Variants in FRMPD2 observed in about 807,000 individuals in gnomAD.
The protein encoded by FRMPD2 is FERM and PDZ domain-containing protein 2.
A neutral mutation model predicts 140.1 loss-of-function variants in FRMPD2; 96 were observed. The observed-to-expected ratio is 0.69, with a 90% CI of 0.58 to 0.81. The LOEUF (loss-of-function observed/expected upper bound fraction) is 0.81. FRMPD2 is among the 40% of genes least tolerant of loss of function. FRMPD2 has a pLI of 0.00. For synonymous variants in FRMPD2, 449 were observed against 547.6 expected (o/e 0.82, Z 2.52); for missense variants, 1,240 against 1,447.4 (o/e 0.86, Z 2.32).
At chr10:48,195,188 C>G (rs1838923164) in intron 15 of FRMPD2, among the ~76,000 whole-genome samples, 1 of 152,220 alleles carries the variant, frequency 6.6e-6, no homozygotes, top group African/African-American at 2.4e-5. Context: ...TGTGGAAGGG[C>G]TGAGACCAAC....
intron 14 of FRMPD2, among the ~76,000 whole-genome samples, chr10:48,203,056 A>G (rs1839125665): frequency 6.6e-6 from 1 of 152,184 alleles, no homozygotes; most frequent in Non-Finnish European, 1.5e-5. Flanking sequence ...TCAGCCTCTG[A>G]AAGTGCTGGG....
intron 15 of FRMPD2, among the ~76,000 whole-genome samples, chr10:48,194,589 T>C (rs1838911376): frequency 6.6e-6 from 1 of 152,090 alleles, no homozygotes; most frequent in Non-Finnish European, 1.5e-5. Context: ...GAAGGAGCCA[T>C]CCCTTAGAGG....
chr10:48,270,598 C>T (rs1453321631), intron 1 of FRMPD2, among the ~76,000 whole-genome samples: 2 of 152,162 alleles, frequency 1.3e-5, no homozygotes, highest in African/African-American at 4.8e-5. Flanking sequence ...CCCTCCACAG[C>T]CATGTCTTAA....
chr10:48,179,967 G>T (rs1489554170), intron 21 of FRMPD2, among the ~76,000 whole-genome samples: 1 of 152,256 alleles, frequency 6.6e-6, no homozygotes. Context: ...AACACTGGGT[G>T]CTGTGACCAC....
At chr10:48,251,405 T>C (rs1277177073) in intron 2 of FRMPD2, among the ~76,000 whole-genome samples, 161 bp downstream of exon 2, 1 of 152,220 alleles carries the variant, frequency 6.6e-6, no homozygotes, top group Non-Finnish European at 1.5e-5. Context: ...ATTCTTCTAC[T>C]CATTCTAATA....
intron 25 of FRMPD2, among the ~76,000 whole-genome samples, chr10:48,171,602 C>T (rs1473609051): frequency 4.0e-5 from 6 of 151,688 alleles, no homozygotes; most frequent in African/African-American, 1.2e-4. Context: ...AAATTATTAA[C>T]GAGATATTTT....
At chr10:48,186,537 G>T (rs1468988672) in intron 17 of FRMPD2, among the ~76,000 whole-genome samples, 2 of 152,044 alleles carry the variant, frequency 1.3e-5, no homozygotes, top group African/African-American at 2.4e-5. Context: ...CGGGGTTTCC[G>T]CTTTTGTTTC....
intron 12 of FRMPD2, among the ~76,000 whole-genome samples, chr10:48,221,622 A>G (rs1482873879): frequency 6.6e-6 from 1 of 152,248 alleles, no homozygotes; most frequent in Non-Finnish European, 1.5e-5. Context: ...TTTTAAAAAT[A>G]AAGGTTGGCT....
chr10:48,228,004 A>G (rs551097782), intron 10 of FRMPD2, among the ~76,000 whole-genome samples: 1 of 152,304 alleles, frequency 6.6e-6, no homozygotes, highest in African/African-American at 2.4e-5. Flanking sequence ...AAAATTGTAA[A>G]TGTAACCTAA....
At chr10:48,227,312 A>C (rs1462834668) in intron 10 of FRMPD2, among the ~76,000 whole-genome samples, 2 of 152,012 alleles carry the variant, frequency 1.3e-5, no homozygotes, top group African/African-American at 4.8e-5. Flanking sequence ...ATCTTGTTTT[A>C]TGTCTCAAGA....
chr10:48,270,206 C>T (rs73298362), intron 1 of FRMPD2, among the ~76,000 whole-genome samples: 1,672 of 152,232 alleles, frequency 0.011, 37 homozygotes, highest in African/African-American at 0.036. Context: ...TGCTAGTGGA[C>T]GTGGTCTCGA....
chr10:48,270,194 G>A (rs1564445532), intron 1 of FRMPD2, among the ~76,000 whole-genome samples: 1 of 152,170 alleles, frequency 6.6e-6, no homozygotes, highest in Non-Finnish European at 1.5e-5. Flanking sequence ...AATCCAAGGA[G>A]CTGCTAGTGG....
chr10:48,204,337 T>C (rs1839155849), intron 14 of FRMPD2, among the ~76,000 whole-genome samples: 2 of 152,220 alleles, frequency 1.3e-5, no homozygotes, highest in Admixed American at 1.3e-4. Flanking sequence ...ATTTGTCAGG[T>C]TTCCTGCATT....
chr10:48,188,602 T>A (rs913549719), intron 16 of FRMPD2, among the ~76,000 whole-genome samples: 4 of 152,172 alleles, frequency 2.6e-5, no homozygotes, highest in Non-Finnish European at 5.9e-5. Context: ...CTTTCATGCC[T>A]CCTAGAGCCA....
intron 12 of FRMPD2, among the ~76,000 whole-genome samples, chr10:48,219,237 T>TC (rs949329855): frequency 6.6e-5 from 10 of 151,134 alleles, no homozygotes; most frequent in African/African-American, 2.4e-4. Flanking sequence ...TTTCTTTCTT[T>TC]TTTTTTTTTT....
intron 23 of FRMPD2, among the ~76,000 whole-genome samples, chr10:48,175,314 CA>C (rs1290989425): frequency 2.0e-5 from 3 of 151,288 alleles, no homozygotes; most frequent in African/African-American, 7.3e-5. Context: ...TTTTTTATTT[CA>C]AAAAAAGGTC....
intron 12 of FRMPD2, among the ~76,000 whole-genome samples, chr10:48,215,566 G>C (rs1262167788): frequency 6.6e-6 from 1 of 152,200 alleles, no homozygotes; most frequent in African/African-American, 2.4e-5. Flanking sequence ...AAGACTAAGT[G>C]GTTGTATAAA....
At chr10:48,232,866 C>T (rs1417301857) in intron 9 of FRMPD2, among the ~76,000 whole-genome samples, 1 of 152,186 alleles carries the variant, frequency 6.6e-6, no homozygotes, top group Non-Finnish European at 1.5e-5. Context: ...TCTTCATCTC[C>T]CACCACAGCC....
At chr10:48,265,296 A>G (rs1452893704) in intron 1 of FRMPD2, among the ~76,000 whole-genome samples, 1 of 152,212 alleles carries the variant, frequency 6.6e-6, no homozygotes, top group East Asian at 1.9e-4. Context: ...CATTCTGGAC[A>G]CAGGCACTGG....
Sources: allele counts gnomAD v4.1 joint callset (sites outside exome capture counted in the v4.1 genomes callset), GRCh38; gene constraint gnomAD v4.1.1; transcripts MANE v1.5; gene names NCBI Gene and HGNC (gene_info 2026-07-23, HGNC 2026-07-21).